The following IQSEC3 variants were observed in gnomAD, a reference collection of about 807,000 sequenced individuals.
IQSEC3 encodes the protein IQ motif and SEC7 domain-containing protein 3.
IQSEC3 carries 50 observed loss-of-function variants against 105.4 expected under a neutral mutation model. That is an observed-to-expected ratio of 0.47 (90% CI 0.38 to 0.60). The LOEUF (loss-of-function observed/expected upper bound fraction) is 0.60. Ranked by LOEUF, IQSEC3 falls within the 20% of genes least tolerant of loss-of-function variation. The pLI is 0.00. For missense variants in IQSEC3, 1,415 were observed against 1,630.0 expected (o/e 0.87, Z 2.27); for synonymous variants, 708 against 746.0 (o/e 0.95, Z 0.83).
chr12:174,929 C>CT lies in IQSEC3; in HGVS notation c.3446dup (p.Pro1150AlafsTer103). On this transcript the variant is annotated frameshift_variant, in exon 14 of 14. Coordinates refer to ENST00000538872, the MANE Select transcript of IQSEC3 (RefSeq NM_001170738.2). LOFTEE classifies it high-confidence loss of function. ...GGTCAAGGTCACCCACCAGCCTCCG[C>CT]TGCCCCCGCCCCCACCCCCCTACAA... is the stretch of plus-strand genomic sequence containing the variant. 1 of 1,531,334 alleles carries CT rather than the reference C, an allele frequency of 6.5e-7. No individual in the cohort carries two copies. The highest frequency in any genetic ancestry group is 8.8e-7 in the Non-Finnish European group (1 of 1,141,866). 94.9% of individuals were successfully genotyped at this position (1,531,334 alleles called of 1,614,324 possible). A position where few individuals can be genotyped will look rare whatever the true frequency, so the allele number is the denominator to read the frequency against.
Position 174,843 on chromosome 12 carries a change from G to C in IQSEC3, c.3359G>C (p.Cys1120Ser), listed in dbSNP as rs1295535897. The change falls in exon 14 of 14, where the codon TGC becomes TCC. Residue 1120 changes from cysteine (C) to serine (S), a missense_variant. By Grantham distance (112) the Cys-to-Ser change is moderately radical (BLOSUM62 -1). Around this residue, in one of 6 missense-constraint regions of IQSEC3, gnomAD observed 419 missense variants for 436.2 expected, o/e 0.96. Transcript: ENST00000538872. ...MEPLLSQALS[C>S]YTSSSSDSCG... Reference sequence around the variant, plus strand: ...CCCCTGCTGAGCCAGGCTCTCTCCTGCTACACCTCGTCGTCCTCTGACTCC... The same window carrying C: ...CCCCTGCTGAGCCAGGCTCTCTCCTCCTACACCTCGTCGTCCTCTGACTCC... 6.3e-7 allele frequency: 1 copy of C among 1,579,974 alleles called. No individual in the cohort carries two copies. The highest frequency in any genetic ancestry group is 1.1e-5 in the South Asian group (1 of 87,428).
At position 175,314 on chromosome 12, in the gene IQSEC3, C is replaced by T. The variant is rs1227626364; in HGVS notation, c.*281C>T. 6.9e-6 allele frequency: 3 copies of T among 434,206 alleles called. No homozygotes were observed. Among genetic ancestry groups the T allele is most frequent in the East Asian group, 7.1e-5 (2 of 28,110 alleles). The allele number at this position is 434,206 out of a possible 1,614,324, so 26.9% of individuals were successfully genotyped here. On this transcript the variant is annotated 3_prime_UTR_variant, in exon 14 of 14. Coordinates refer to ENST00000538872, the MANE Select transcript of IQSEC3 (RefSeq NM_001170738.2). Reference sequence around the variant, plus strand: ...CTCCTCTTCCCCTGGCCACCACTTTCCCCCATTGGACCATGGACTGAAGAA... The same window carrying T: ...CTCCTCTTCCCCTGGCCACCACTTTTCCCCATTGGACCATGGACTGAAGAA...
rs1326274293 is a variant in IQSEC3 at position 152,573 on chromosome 12, A to G, written c.2154-4452A>G. ...TATGTAATAAAAACATAATGGTACA[A>G]TGGTTCATATTGCACAAGCTTGAGA... On this transcript the variant is annotated intron_variant, in intron 5 of 13. Coordinates refer to ENST00000538872, the MANE Select transcript of IQSEC3 (RefSeq NM_001170738.2). This position sits in a 1 kb window ranked among gnomAD's most constrained non-coding sequence, Gnocchi z 4.8. 6.6e-6 allele frequency among the ~76,000 whole-genome samples: 1 copy of G among 152,212 alleles called. No individual in the cohort carries two copies. Among genetic ancestry groups the G allele is most frequent in the Non-Finnish European group, 1.5e-5 (1 of 68,038 alleles).
intron 2 of IQSEC3, among the ~76,000 whole-genome samples, chr12:102,615 C>CAG (rs1165724679): frequency 9.8e-5 from 15 of 152,326 alleles, no homozygotes; most frequent in African/African-American, 3.6e-4. Context: ...CCCGAAGAGG[C>CAG]AGAGAAGCCT....
chr12:91,028 G>A (rs1864067547), intron 1 of IQSEC3, among the ~76,000 whole-genome samples: 1 of 152,114 alleles, frequency 6.6e-6, no homozygotes, highest in African/African-American at 2.4e-5. Flanking sequence ...CCCTTCTCCT[G>A]GAGCTCAAGG....
intron 3 of IQSEC3, among the ~76,000 whole-genome samples, chr12:133,275 T>C (rs183222234): frequency 6.6e-6 from 1 of 152,336 alleles, no homozygotes; most frequent in East Asian, 1.9e-4. Context: ...GTCCAGAGTG[T>C]ACGGGGAAAA....
At position 138,369 on chromosome 12, in the gene IQSEC3, G is replaced by A. The variant is rs144936538; in HGVS notation, c.1006G>A (p.Glu336Lys). ...CCAATACCAGCTCAGCAAGAACTTC[G>A]AGAAAATCCGCAACTCGCTTCTGGA... The part of the protein sequence containing the change: ...FRQYQLSKNF[E>K]KIRNSLLESR... The change falls in exon 4 of 14, where the codon GAG (glutamate) becomes AAG (lysine). Residue 336 changes from glutamate (E) to lysine (K), a missense_variant. This residue lies in a region of IQSEC3 where 720 missense variants were observed against 633.0 expected (regional missense o/e 1.14). Coordinates refer to ENST00000538872, the MANE Select transcript of IQSEC3 (RefSeq NM_001170738.2). This position sits in a 1 kb window ranked among gnomAD's most constrained non-coding sequence, Gnocchi z 7.1. 5 of 1,612,840 alleles carry A rather than the reference G, an allele frequency of 3.1e-6. No homozygotes were observed. Among genetic ancestry groups the A allele is most frequent in the Admixed American group, 3.3e-5 (2 of 60,012 alleles).
intron 1 of IQSEC3, among the ~76,000 whole-genome samples, chr12:72,149 C>T (rs1249184394): frequency 6.6e-6 from 1 of 152,260 alleles, no homozygotes; most frequent in African/African-American, 2.4e-5. Context: ...GCAGTGAATG[C>T]CATAGGGCCT....
At chr12:126,255 C>A (rs916591208) in intron 3 of IQSEC3, among the ~76,000 whole-genome samples, 2 of 152,238 alleles carry the variant, frequency 1.3e-5, no homozygotes, top group African/African-American at 4.8e-5. Context: ...CCATCTGCTG[C>A]TTAGAGGCCA....
At chr12:118,819 G>T (rs1249813976) in intron 2 of IQSEC3, among the ~76,000 whole-genome samples, 2 of 152,242 alleles carry the variant, frequency 1.3e-5, no homozygotes, top group East Asian at 3.9e-4. Context: ...CCCTTCAGTT[G>T]CTCCTGTCCC....
chr12:170,343 G>A (rs577366826), intron 12 of IQSEC3, among the ~76,000 whole-genome samples: 1 of 149,780 alleles, frequency 6.7e-6, no homozygotes, highest in Non-Finnish European at 1.5e-5. Context: ...GCCCGCCCTG[G>A]TTAGGCCCAG....
chr12:136,631 G>T (rs1021933412), intron 3 of IQSEC3, among the ~76,000 whole-genome samples: 8 of 152,014 alleles, frequency 5.3e-5, no homozygotes, highest in Admixed American at 1.3e-4. Context: ...AACACGGGAC[G>T]TCCCTGTTCT....
intron 7 of IQSEC3, among the ~76,000 whole-genome samples, chr12:160,521 T>G (rs1231636566): frequency 6.6e-6 from 1 of 152,110 alleles, no homozygotes; most frequent in Non-Finnish European, 1.5e-5. Flanking sequence ...AATATATAGG[T>G]TATCAACTTC....
intron 1 of IQSEC3, among the ~76,000 whole-genome samples, chr12:94,675 G>A (rs1287548740): frequency 7.9e-5 from 12 of 152,262 alleles, no homozygotes; most frequent in African/African-American, 2.9e-4. Context: ...CTGCAGCTGA[G>A]TCTGGGGACC....
intron 2 of IQSEC3, among the ~76,000 whole-genome samples, chr12:102,693 G>T (rs540492580): frequency 1.3e-5 from 2 of 152,226 alleles, no homozygotes; most frequent in East Asian, 1.9e-4. Context: ...GCTGGTGTCA[G>T]GGGAACTCTG....
Position 166,001 on chromosome 12 carries a change from C to T in IQSEC3, c.2971+111C>T. ...CAGGGAGCTGGCCCCACTTCGGACC[C>T]TCCCCGTGTCCAGGCCCCACCGCAC... On this transcript the variant is annotated intron_variant, in intron 11 of 13. Transcript: ENST00000538872. 3 of 1,250,204 alleles carry T rather than the reference C, an allele frequency of 2.4e-6. No individual in the cohort carries two copies. The South Asian group carries it at 4.4e-5, about 18-fold the overall frequency. The allele number at this position is 1,250,204 out of a possible 1,614,324, so 77.4% of individuals were successfully genotyped here. A position where few individuals can be genotyped will look rare whatever the true frequency, so the allele number is the denominator to read the frequency against.
intron 2 of IQSEC3, among the ~76,000 whole-genome samples, chr12:119,953 G>A (rs1451455527): frequency 6.6e-6 from 1 of 152,194 alleles, no homozygotes; most frequent in East Asian, 1.9e-4. Flanking sequence ...ACATCACCAA[G>A]CCCAGCCCAG....
In IQSEC3 at chr12:82,152, C is replaced by T. The variant is rs147047749; in HGVS notation, c.554+14716C>T. On this transcript the variant is annotated intron_variant, in intron 1 of 13. Transcript: ENST00000538872. Reference sequence around the variant, plus strand: ...TTTTAAGACAGTCGGGGAATTTGAACGTAGATGAAGTATTAGGTGATGTTA... The same window carrying T: ...TTTTAAGACAGTCGGGGAATTTGAATGTAGATGAAGTATTAGGTGATGTTA... Among the ~76,000 whole-genome samples the T allele has an allele frequency of 3.4e-3, 517 of 152,150 alleles. 5 individuals are homozygous for T. Among genetic ancestry groups the T allele is most frequent in the African/African-American group, 0.012 (493 of 41,486 alleles).
chr12:108,013 G>A (rs1864739346), intron 2 of IQSEC3, among the ~76,000 whole-genome samples: 1 of 152,154 alleles, frequency 6.6e-6, no homozygotes, highest in Non-Finnish European at 1.5e-5. Flanking sequence ...TACCACCTTA[G>A]GGATATCTGG....
Sources: gnomAD v4.1 joint callset for allele counts (sites outside exome capture counted in the v4.1 genomes callset) on GRCh38, gnomAD v4.1.1 for gene constraint, gnomAD v4.1.1 regional missense constraint, Gnocchi (gnomAD v3.1) non-coding constraint, MANE v1.5 for transcripts, NCBI Gene and HGNC (gene_info 2026-07-23, HGNC 2026-07-21) for gene names.